The following CCDC7 variants were observed in gnomAD, a reference collection of about 807,000 sequenced individuals.
The protein encoded by CCDC7 is coiled-coil domain containing 7.
Under a neutral mutation model 196.9 loss-of-function variants are expected in CCDC7, and 183 were observed. That is an observed-to-expected ratio of 0.93 (90% CI 0.82 to 1.05). The LOEUF is 1.05. Ranked by LOEUF, CCDC7 falls within the 50% of genes least tolerant of loss-of-function variation. The pLI is 0.00. For missense variants in CCDC7, 1,540 were observed against 1,482.2 expected (o/e 1.04, Z -0.64); for synonymous variants, 525 against 484.6 (o/e 1.08, Z -1.10).
chr10:32,809,987 A>C (rs995312728), intron 30 of CCDC7, among the ~76,000 whole-genome samples: 10 of 152,200 alleles, frequency 6.6e-5, no homozygotes, highest in Non-Finnish European at 1.5e-4. Context: ...TCAAATGTCT[A>C]TCAGTGATAG....
At chr10:32,685,577 T>C (rs1316280485) in intron 21 of CCDC7, among the ~76,000 whole-genome samples, 1 of 152,246 alleles carries the variant, frequency 6.6e-6, no homozygotes, top group Non-Finnish European at 1.5e-5. Context: ...ATACATTGGC[T>C]TATTCAACCA....
chr10:32,484,860 G>C (rs1036112589), intron 8 of CCDC7, among the ~76,000 whole-genome samples: 1 of 152,174 alleles, frequency 6.6e-6, no homozygotes, highest in Non-Finnish European at 1.5e-5. Flanking sequence ...ACTTGATCGT[G>C]GTGGATAAGC....
chr10:32,779,272 A>C (rs1408628291), intron 29 of CCDC7, among the ~76,000 whole-genome samples, 188 bp downstream of exon 30: 1 of 152,366 alleles, frequency 6.6e-6, no homozygotes, highest in Admixed American at 6.5e-5. Flanking sequence ...TTACTCCATC[A>C]GACAACATTA....
In CCDC7 at chr10:32,769,178, T is replaced by G. The variant is rs186225263; in HGVS notation, c.2906-9799T>G. Among the ~76,000 whole-genome samples, 359 of 152,274 alleles carry G rather than the reference T, an allele frequency of 2.4e-3. 2 individuals carry two copies. Among genetic ancestry groups the G allele is most frequent in the African/African-American group, 8.2e-3 (341 of 41,578 alleles). ...GGAGATTTTTATTACTAGTTCAATCTTACTACTCCTTATTGGTCTGTTCAG... is the reference window on the plus strand; with the variant it reads ...GGAGATTTTTATTACTAGTTCAATCGTACTACTCCTTATTGGTCTGTTCAG... On this transcript the variant is annotated intron_variant, in intron 28 of 41. Transcript: ENST00000639629.
At chr10:32,678,034 C>G (rs183837029) in intron 21 of CCDC7, among the ~76,000 whole-genome samples, 3 of 151,914 alleles carry the variant, frequency 2.0e-5, no homozygotes, top group African/African-American at 7.2e-5. Flanking sequence ...CCATTGTGTT[C>G]CTCTGTTCCA....
chr10:32,845,330 A>C lies in CCDC7; in HGVS notation c.3436+4A>C. The C allele has an allele frequency of 6.4e-7, 1 of 1,552,248 alleles. No individual in the cohort carries two copies. The highest frequency in any genetic ancestry group is 8.7e-7 in the Non-Finnish European group (1 of 1,143,684). ...GCACAACTAAAGGGTCACCAAAGTA[A>C]GAAAAAGAATTTTTCACATCTAATA... On this transcript the variant is annotated splice_donor_region_variant and intron_variant, in intron 34 of 41. Transcript: ENST00000639629.
At chr10:32,481,411 A>G (rs2039941164) in intron 8 of CCDC7, among the ~76,000 whole-genome samples, 1 of 151,800 alleles carries the variant, frequency 6.6e-6, no homozygotes, top group South Asian at 2.1e-4. Context: ...TTCCTTTGTG[A>G]TTTGTTGATA....
At chr10:32,662,164 CT>C (rs1432439011) in intron 20 of CCDC7, among the ~76,000 whole-genome samples, 2 of 152,188 alleles carry the variant, frequency 1.3e-5, no homozygotes, top group Non-Finnish European at 2.9e-5. Flanking sequence ...CTCACAATCA[CT>C]GCACTGTTTC....
intron 20 of CCDC7, among the ~76,000 whole-genome samples, chr10:32,640,294 A>G (rs932811071): frequency 1.4e-4 from 21 of 152,088 alleles, no homozygotes; most frequent in Non-Finnish European, 2.6e-4. Context: ...ACCATTATGT[A>G]ATGGCTTTCT....
chr10:32,727,123 G>T (rs2083243383), intron 26 of CCDC7, among the ~76,000 whole-genome samples: 1 of 152,144 alleles, frequency 6.6e-6, no homozygotes, highest in African/African-American at 2.4e-5. Context: ...GACTCTGGGA[G>T]ATTAGTTTCC....
intron 5 of CCDC7, 52 bp from the exon 7 acceptor site, chr10:32,471,012 A>T (rs1384948539): frequency 6.9e-7 from 1 of 1,459,428 alleles, no homozygotes; most frequent in Non-Finnish European, 9.1e-7. Flanking sequence ...TATTTGAGGT[A>T]TGGGAACAAA....
intron 24 of CCDC7, among the ~76,000 whole-genome samples, chr10:32,703,830 G>A (rs561241300): frequency 9.9e-5 from 15 of 151,978 alleles, no homozygotes; most frequent in South Asian, 2.1e-4. Flanking sequence ...TTGTGCATTC[G>A]TCACGTAGTT....
chr10:32,483,225 T>A (rs1434320473), intron 8 of CCDC7, among the ~76,000 whole-genome samples: 1 of 152,252 alleles, frequency 6.6e-6, no homozygotes, highest in Non-Finnish European at 1.5e-5. Flanking sequence ...ATTGTGGTTT[T>A]GATTTGCATT....
At position 32,676,313 on chromosome 10, in the gene CCDC7, C is replaced by T. The variant is rs747327626; in HGVS notation, c.2123-9657C>T. 3.5e-4 allele frequency among the ~76,000 whole-genome samples: 53 copies of T among 151,776 alleles called. 2 individuals are homozygous for T. The South Asian group carries it at 7.5e-3, about 22-fold the overall frequency. The stretch of plus-strand genomic sequence containing the variant: ...ACCATTCAGGACATAGGCATGGGCA[C>T]GGACTTCATGTCTAAAACACCAAAA... On this transcript the variant is annotated intron_variant, in intron 21 of 41. Transcript: ENST00000639629.
At chr10:32,866,671 G>A (rs1364241402) in intron 41 of CCDC7, among the ~76,000 whole-genome samples, 2 of 150,112 alleles carry the variant, frequency 1.3e-5, no homozygotes, top group Non-Finnish European at 3.0e-5. Context: ...GCAGAGGGAG[G>A]AAAAAGGAAA....
chr10:32,557,414 T>A (rs1159323878), intron 13 of CCDC7, among the ~76,000 whole-genome samples: 2 of 152,116 alleles, frequency 1.3e-5, no homozygotes, highest in Non-Finnish European at 2.9e-5. Context: ...TTTCAATGTA[T>A]TATTATTTTA....
intron 18 of CCDC7, among the ~76,000 whole-genome samples, chr10:32,624,984 G>GTTTTTTTT (rs35752534): frequency 3.9e-5 from 2 of 51,678 alleles, no homozygotes; most frequent in African/African-American, 6.1e-5. Flanking sequence ...CTTTGCACAA[G>GTTTTTTTT]TTTTTTTTTT....
At chr10:32,550,576 T>G (rs1482988461) in intron 13 of CCDC7, among the ~76,000 whole-genome samples, 1 of 152,172 alleles carries the variant, frequency 6.6e-6, no homozygotes, top group Non-Finnish European at 1.5e-5. Context: ...TTATGGTATG[T>G]CCCTTGTATG....
At chr10:32,557,126 A>C (rs894648943) in intron 13 of CCDC7, among the ~76,000 whole-genome samples, 4 of 152,190 alleles carry the variant, frequency 2.6e-5, no homozygotes, top group African/African-American at 9.7e-5. Context: ...TCTTAAAATA[A>C]CTTTGTTACA....
Sources: gnomAD v4.1 joint callset for allele counts (sites outside exome capture counted in the v4.1 genomes callset) on GRCh38, gnomAD v4.1.1 for gene constraint, MANE v1.5 for transcripts, NCBI Gene and HGNC (gene_info 2026-07-23, HGNC 2026-07-21) for gene names.